FOXP1: variants seen among roughly 807,000 people sequenced by gnomAD.
FOXP1 encodes the protein forkhead box P1.
Under a neutral mutation model 98.2 loss-of-function variants are expected in FOXP1, and 15 were observed. The observed-to-expected ratio is 0.15, with a 90% CI of 0.10 to 0.24. The LOEUF is 0.24. Among genes scored for constraint, FOXP1 ranks in the 10% least tolerant of loss-of-function variants. The probability of loss-of-function intolerance (pLI) is 1.00; values close to 1 mark genes in which losing one functional copy is unlikely to be tolerated. For missense variants in FOXP1, 633 were observed against 848.5 expected (o/e 0.75, Z 3.15); for synonymous variants, 371 against 314.5 (o/e 1.18, Z -1.90).
intron 7 of FOXP1, among the ~76,000 whole-genome samples, chr3:71,068,875 C>T: frequency 6.6e-6 from 1 of 152,226 alleles, no homozygotes; most frequent in East Asian, 1.9e-4. Flanking sequence ...CAAAGAATGG[C>T]AATGGGGCAG....
At chr3:71,192,278 G>A (rs2063031060) in intron 6 of FOXP1, among the ~76,000 whole-genome samples, 1 of 152,188 alleles carries the variant, frequency 6.6e-6, no homozygotes, top group South Asian at 2.1e-4. Context: ...TCCAGCCATT[G>A]CTACCCAGTC....
intron 9 of FOXP1, among the ~76,000 whole-genome samples, chr3:71,051,366 G>A (rs981208716): frequency 6.6e-6 from 1 of 152,110 alleles, no homozygotes; most frequent in South Asian, 2.1e-4. Context: ...TGCTCAACAG[G>A]ACTCCAGGGT....
At chr3:71,232,728 G>T (rs1454553656) in intron 5 of FOXP1, among the ~76,000 whole-genome samples, 2 of 151,500 alleles carry the variant, frequency 1.3e-5, no homozygotes, top group Non-Finnish European at 2.9e-5. Flanking sequence ...GTAAAACCCT[G>T]TGTCTACCAA....
chr3:70,970,155 C>T (rs566286425), intron 19 of FOXP1: 7 of 154,206 alleles, frequency 4.5e-5, no homozygotes, highest in Admixed American at 1.9e-4. Context: ...ATAAATACTC[C>T]GTGTGATTAT....
chr3:71,542,751 A>C (rs1022254910), intron 2 of FOXP1, among the ~76,000 whole-genome samples: 1 of 152,216 alleles, frequency 6.6e-6, no homozygotes, highest in Non-Finnish European at 1.5e-5. Flanking sequence ...TGGCCTAAAA[A>C]TAGACACATA....
intron 7 of FOXP1, among the ~76,000 whole-genome samples, chr3:71,070,727 G>A (rs1011074107): frequency 2.6e-5 from 4 of 152,136 alleles, no homozygotes; most frequent in African/African-American, 9.7e-5. Flanking sequence ...CTGCAGCAGC[G>A]TGCTGGGGTT....
At chr3:71,227,026 G>A (rs1301112867) in intron 5 of FOXP1, among the ~76,000 whole-genome samples, 1 of 152,094 alleles carries the variant, frequency 6.6e-6, no homozygotes, top group Non-Finnish European at 1.5e-5. Flanking sequence ...TGGTAATGGC[G>A]GTGCCGGGCC....
chr3:71,580,630 GTT>G (rs2048090648), intron 2 of FOXP1, among the ~76,000 whole-genome samples: 1 of 151,598 alleles, frequency 6.6e-6, no homozygotes, highest in Non-Finnish European at 1.5e-5. Context: ...AAAAATTCTA[GTT>G]TACACATCTC....
At chr3:71,356,924 G>A (rs528899063) in intron 4 of FOXP1, among the ~76,000 whole-genome samples, 45 of 152,244 alleles carry the variant, frequency 3.0e-4, no homozygotes, top group Middle Eastern at 6.8e-3. Flanking sequence ...GATAAAAAGT[G>A]GCTCACAAGA....
intron 2 of FOXP1, among the ~76,000 whole-genome samples, chr3:71,495,960 C>G (rs2091378096): frequency 6.6e-6 from 1 of 152,172 alleles, no homozygotes; most frequent in African/African-American, 2.4e-5. Flanking sequence ...GAAATCCTCA[C>G]TTTATCAGCT....
At chr3:71,438,046 T>G (rs749827240) in intron 3 of FOXP1, among the ~76,000 whole-genome samples, 45 of 152,226 alleles carry the variant, frequency 3.0e-4, no homozygotes, top group Admixed American at 8.5e-4. Flanking sequence ...CACTGGAATC[T>G]ATCTCTACTA....
At chr3:71,003,692 T>C (rs2042401679) in intron 12 of FOXP1, among the ~76,000 whole-genome samples, 1 of 152,196 alleles carries the variant, frequency 6.6e-6, no homozygotes, top group South Asian at 2.1e-4. Context: ...GGTTCACGAC[T>C]GAAGGAAATA....
chr3:71,198,163 C>T (rs370341788), intron 6 of FOXP1, 39 bp downstream of exon 6: 198 of 1,613,888 alleles, frequency 1.2e-4, no homozygotes, highest in Non-Finnish European at 1.4e-4. Context: ...AAAATTCGCA[C>T]CCACCACCTC....
intron 3 of FOXP1, among the ~76,000 whole-genome samples, chr3:71,364,524 T>C (rs373016576): frequency 6.6e-6 from 1 of 152,268 alleles, no homozygotes; most frequent in African/African-American, 2.4e-5. Context: ...ATGCCTTTTG[T>C]TGTTGCTGTT....
intron 3 of FOXP1, among the ~76,000 whole-genome samples, chr3:71,420,616 C>A (rs969567594): frequency 1.3e-5 from 2 of 152,148 alleles, no homozygotes; most frequent in African/African-American, 4.8e-5. Context: ...AACAACCAGA[C>A]CCTGCCCAAG....
chr3:71,550,258 T>C (rs1343236365), intron 2 of FOXP1, among the ~76,000 whole-genome samples: 1 of 152,128 alleles, frequency 6.6e-6, no homozygotes, highest in Non-Finnish European at 1.5e-5. Flanking sequence ...ATAAATCACA[T>C]AGCAAAGCTG....
intron 5 of FOXP1, among the ~76,000 whole-genome samples, chr3:71,237,775 G>A (rs563913171): frequency 1.1e-4 from 16 of 152,192 alleles, no homozygotes; most frequent in Non-Finnish European, 2.4e-4. Context: ...ATATCTATAA[G>A]TTCCACAGCT....
At chr3:71,550,408 G>A (rs1397533481) in intron 2 of FOXP1, among the ~76,000 whole-genome samples, 8 of 152,118 alleles carry the variant, frequency 5.3e-5, no homozygotes, top group African/African-American at 1.7e-4. Context: ...AGGATAACAG[G>A]AGTTCTTATC....
At chr3:71,513,637 A>G (rs2042357185) in intron 2 of FOXP1, among the ~76,000 whole-genome samples, 1 of 152,214 alleles carries the variant, frequency 6.6e-6, no homozygotes, top group East Asian at 1.9e-4. Context: ...AAAATGGGTC[A>G]GGGTGTAGCG....
Sources: allele counts gnomAD v4.1 joint callset (sites outside exome capture counted in the v4.1 genomes callset), GRCh38; gene constraint gnomAD v4.1.1; transcripts MANE v1.5; gene names NCBI Gene and HGNC (gene_info 2026-07-23, HGNC 2026-07-21).